DAAM2: variants seen among roughly 807,000 people sequenced by gnomAD.
DAAM2 encodes the protein dishevelled associated activator of morphogenesis 2, also known as disheveled-associated activator of morphogenesis 2.
Under a neutral mutation model 120.7 loss-of-function variants are expected in DAAM2, and 39 were observed. The ratio of observed to expected loss-of-function variants is 0.32; its 90% CI spans 0.25 to 0.42. The LOEUF (loss-of-function observed/expected upper bound fraction) is 0.42. Among genes scored for constraint, DAAM2 ranks in the 10% least tolerant of loss-of-function variants. DAAM2 has a pLI of 1.00. For missense variants in DAAM2, 1,283 were observed against 1,401.7 expected (o/e 0.92, Z 1.35); for synonymous variants, 488 against 524.9 (o/e 0.93, Z 0.96).
intron 14 of DAAM2, 108 bp from the exon 15 acceptor site, chr6:39,883,854 T>C: frequency 1.4e-6 from 1 of 708,080 alleles, no homozygotes; most frequent in South Asian, 1.7e-5. Flanking sequence ...GAAATCCTGG[T>C]CATCTTAGTA....
chr6:39,861,240 A>G (rs1165561624), intron 3 of DAAM2: 1 of 606,000 alleles, frequency 1.7e-6, no homozygotes, highest in Admixed American at 2.2e-5. Context: ...TTAAAGCAGG[A>G]CCTGCTGCAT....
intron 2 of DAAM2, among the ~76,000 whole-genome samples, chr6:39,856,913 G>A (rs763906623): frequency 6.6e-5 from 10 of 152,182 alleles, no homozygotes; most frequent in Non-Finnish European, 1.5e-4. Flanking sequence ...TGGGCACCTC[G>A]GAACAGGGGA....
At chr6:39,855,863 T>C (rs1045459071) in intron 1 of DAAM2, among the ~76,000 whole-genome samples, 3 of 152,322 alleles carry the variant, frequency 2.0e-5, no homozygotes, top group Admixed American at 2.0e-4. Flanking sequence ...TGAGCCTTGC[T>C]GGAAGCTGAT....
rs758123035 is a variant in DAAM2 at position 39,900,190 on chromosome 6, A to G, written c.2793A>G (p.Leu931=). ...GCTTCTCCGAGCTGGAGGACCAGCT[A>G]AATGAGGCCAGGGACAAGGTAAGGG... ...SFSFSELEDQ[L]NEARDKFAKA... is the part of the protein sequence containing the mutation. The change falls in exon 23 of 25, where the codon CTA becomes CTG. Residue 931 remains leucine, a synonymous_variant. Coordinates refer to ENST00000274867, the MANE Select transcript of DAAM2 (RefSeq NM_001201427.2). 6 of 1,609,828 alleles carry G rather than the reference A, an allele frequency of 3.7e-6. No homozygotes were observed. In the East Asian group the frequency reaches 1.3e-4, roughly 36 times the overall value.
intron 19 of DAAM2, among the ~76,000 whole-genome samples, chr6:39,893,069 G>C (rs1765832572): frequency 6.6e-6 from 1 of 152,234 alleles, no homozygotes; most frequent in South Asian, 2.1e-4. Flanking sequence ...ACAAGTAAGG[G>C]GTTCAGCCCA....
intron 1 of DAAM2, among the ~76,000 whole-genome samples, chr6:39,806,772 G>A (rs1490657069): frequency 6.8e-6 from 1 of 146,332 alleles, no homozygotes; most frequent in Non-Finnish European, 1.5e-5. Flanking sequence ...TGCTTAACCT[G>A]ACTTGGAATC....
intron 1 of DAAM2, chr6:39,818,996 G>A (rs1402590676): frequency 6.6e-6 from 1 of 152,204 alleles, no homozygotes; most frequent in African/African-American, 2.4e-5. Context: ...CCAGTGCCAG[G>A]GGGTACAGCC....
intron 19 of DAAM2, among the ~76,000 whole-genome samples, chr6:39,895,533 T>C (rs1408912556): frequency 2.0e-5 from 3 of 152,196 alleles, no homozygotes; most frequent in Admixed American, 1.3e-4. Context: ...AGTTACTTAT[T>C]TCTAACTGTG....
intron 1 of DAAM2, among the ~76,000 whole-genome samples, chr6:39,834,224 T>C (rs546156419): frequency 2.6e-5 from 4 of 152,228 alleles, no homozygotes; most frequent in Non-Finnish European, 5.9e-5. Context: ...ATACCTCTTA[T>C]ATTGTCATAG....
In DAAM2 at chr6:39,892,070, TTACTC is replaced by T. The variant is rs1201912695; in HGVS notation, c.2341+353_2341+357del. On this transcript the variant is annotated intron_variant, in intron 19 of 24. Coordinates refer to ENST00000274867, the MANE Select transcript of DAAM2 (RefSeq NM_001201427.2). ...TGGCTGGGACTGAGCTCATCAGTCT[TTACTC>T]TACTTAAGAGGTACTAGGCTCATAG... is the stretch of plus-strand genomic sequence containing the variant. Among the ~76,000 whole-genome samples the T allele has an allele frequency of 2.3e-4, 35 of 152,272 alleles. No homozygotes were observed. In the East Asian group the frequency reaches 6.0e-3, roughly 26 times the overall value.
intron 1 of DAAM2, among the ~76,000 whole-genome samples, chr6:39,833,530 A>G (rs1762995015): frequency 6.6e-6 from 1 of 152,092 alleles, no homozygotes; most frequent in Non-Finnish European, 1.5e-5. Flanking sequence ...CTGGTCTCGA[A>G]CTCATGACCT....
chr6:39,862,374 A>G (rs925222872), intron 3 of DAAM2: 1 of 152,196 alleles, frequency 6.6e-6, no homozygotes, highest in Non-Finnish European at 1.5e-5. Context: ...AGCTCAAATC[A>G]TGGAAAGAAG....
intron 1 of DAAM2, chr6:39,818,714 T>A (rs913515125): frequency 1.3e-5 from 2 of 152,242 alleles, no homozygotes; most frequent in African/African-American, 4.8e-5. Flanking sequence ...GTAATTGAAG[T>A]ATGCCTTGCA....
At chr6:39,808,040 T>C (rs1316019916) in intron 1 of DAAM2, among the ~76,000 whole-genome samples, 1 of 151,752 alleles carries the variant, frequency 6.6e-6, no homozygotes, top group Non-Finnish European at 1.5e-5. Context: ...CAAACATCTA[T>C]ATCTCATGTG....
At chr6:39,833,148 A>G (rs1310066638) in intron 1 of DAAM2, among the ~76,000 whole-genome samples, 2 of 151,848 alleles carry the variant, frequency 1.3e-5, no homozygotes, top group African/African-American at 4.8e-5. Flanking sequence ...GACACTGCAA[A>G]CCACCCCCTC....
intron 1 of DAAM2, among the ~76,000 whole-genome samples, chr6:39,849,584 A>C (rs1763730085): frequency 6.6e-6 from 1 of 152,214 alleles, no homozygotes; most frequent in African/African-American, 2.4e-5. Flanking sequence ...ACTTGTTTGA[A>C]GTCACCTGGT....
intron 2 of DAAM2, among the ~76,000 whole-genome samples, chr6:39,860,717 A>G (rs1331651453): frequency 6.6e-6 from 1 of 152,184 alleles, no homozygotes; most frequent in African/African-American, 2.4e-5. Flanking sequence ...GGAGTGCAAT[A>G]GAAGTCACAT....
intron 1 of DAAM2, among the ~76,000 whole-genome samples, chr6:39,795,626 A>T (rs550220897): frequency 6.6e-5 from 10 of 152,294 alleles, no homozygotes; most frequent in Non-Finnish European, 1.3e-4. Flanking sequence ...TCAGTTTTTC[A>T]GCCATCACAA....
intron 15 of DAAM2, chr6:39,884,773 G>A (rs1765299627): frequency 6.6e-6 from 1 of 152,624 alleles, no homozygotes; most frequent in African/African-American, 2.4e-5. Flanking sequence ...GGGTGTTCCT[G>A]AGGTGGGAAT....
Sources: gnomAD v4.1 joint callset for allele counts (sites outside exome capture counted in the v4.1 genomes callset) on GRCh38, gnomAD v4.1.1 for gene constraint, MANE v1.5 for transcripts, NCBI Gene and HGNC (gene_info 2026-07-23, HGNC 2026-07-21) for gene names.